TMTC2: variants seen among roughly 807,000 people sequenced by gnomAD.
TMTC2 encodes protein O-mannosyl-transferase TMTC2.
Under a neutral mutation model 82.4 loss-of-function variants are expected in TMTC2, and 43 were observed. That is an observed-to-expected ratio of 0.52 (90% confidence interval 0.41 to 0.67). TMTC2 has a LOEUF of 0.67. Among genes scored for constraint, TMTC2 ranks in the 30% least tolerant of loss-of-function variants. TMTC2 has a pLI of 0.00. For synonymous variants in TMTC2, 408 were observed against 381.9 expected, an observed-to-expected ratio of 1.07 and a Z score of -0.80; for missense variants, 919 against 1,012.4, an observed-to-expected ratio of 0.91 and a Z score of 1.25.
chr12:82,701,461 A>C (rs141649320), intron 1 of TMTC2, among the ~76,000 whole-genome samples: 218 of 152,190 alleles, frequency 1.4e-3, no homozygotes, highest in Non-Finnish European at 2.5e-3. Context: ...ACTTATGAAT[A>C]TTAATCTTGG....
chr12:83,028,956 G>A (rs1354043767), intron 8 of TMTC2, among the ~76,000 whole-genome samples: 3 of 152,184 alleles, frequency 2.0e-5, no homozygotes, highest in Non-Finnish European at 4.4e-5. Context: ...GATTTAACGA[G>A]GAGTTACTGA....
At chr12:83,112,472 A>T (rs968689007) in intron 11 of TMTC2, among the ~76,000 whole-genome samples, 1 of 152,228 alleles carries the variant, frequency 6.6e-6, no homozygotes, top group African/African-American at 2.4e-5. Flanking sequence ...GGACTGAAGT[A>T]AATAAAAGTG....
intron 3 of TMTC2, among the ~76,000 whole-genome samples, chr12:82,904,324 T>C (rs904002699): frequency 6.6e-6 from 1 of 152,216 alleles, no homozygotes; most frequent in Non-Finnish European, 1.5e-5. Context: ...GAATATGATT[T>C]TAAGCCTCAT....
intron 2 of TMTC2, among the ~76,000 whole-genome samples, chr12:82,890,687 T>G (rs1469465908): frequency 6.6e-6 from 1 of 152,166 alleles, no homozygotes; most frequent in Non-Finnish European, 1.5e-5. Flanking sequence ...GACCTTTAAG[T>G]TTGAAAACTA....
In TMTC2 at chr12:83,134,229, G is replaced by A. The variant is rs1041895307; in HGVS notation, c.*1840G>A. 3.3e-5 allele frequency: 5 copies of A among 151,896 alleles called. No individual in the cohort carries two copies. The highest frequency in any genetic ancestry group is 6.6e-5 in the Admixed American group (1 of 15,202). The allele number at this position is 151,896 out of a possible 1,614,324, so 9.4% of individuals were successfully genotyped here. A position where few individuals can be genotyped will look rare whatever the true frequency, so the allele number is the denominator to read the frequency against. ...CAGAATGATATTTAACAACAAACCCGTGGTCAAACCAAAATAGTGGGTTGA... is the reference window on the plus strand; with the variant it reads ...CAGAATGATATTTAACAACAAACCCATGGTCAAACCAAAATAGTGGGTTGA... On this transcript the variant is annotated 3_prime_UTR_variant, in exon 12 of 12. Coordinates refer to ENST00000321196, the MANE Select transcript of TMTC2 (RefSeq NM_152588.3).
chr12:82,735,969 T>TCACACACACACACA (rs148485109), intron 1 of TMTC2, among the ~76,000 whole-genome samples: 9 of 145,960 alleles, frequency 6.2e-5, no homozygotes, highest in Middle Eastern at 3.4e-3. Context: ...CGAGACTCCG[T>TCACACACACACACA]CACACACACA....
chr12:83,087,130 G>A (rs1381396411), intron 11 of TMTC2, among the ~76,000 whole-genome samples: 1 of 152,164 alleles, frequency 6.6e-6, no homozygotes, highest in Non-Finnish European at 1.5e-5. Context: ...TATCATATCA[G>A]CAGTGTTTAC....
intron 7 of TMTC2, among the ~76,000 whole-genome samples, chr12:82,967,674 G>GA (rs1384512328): frequency 1.3e-5 from 2 of 152,014 alleles, no homozygotes; most frequent in Non-Finnish European, 2.9e-5. Flanking sequence ...ATGACACTTG[G>GA]AAAAAAATCC....
chr12:82,813,935 C>A (rs755369062), intron 1 of TMTC2, among the ~76,000 whole-genome samples: 9 of 152,026 alleles, frequency 5.9e-5, no homozygotes, highest in Admixed American at 5.2e-4. Context: ...GTTTATGATA[C>A]CCTCAGAGGG....
At position 82,812,056 on chromosome 12, in the gene TMTC2, G is replaced by A. The variant is rs191438380; in HGVS notation, c.84-44954G>A. On this transcript the variant is annotated intron_variant, in intron 1 of 11. Transcript: ENST00000321196. ...TGGTCTCGAACTCCTGACCTCAGGT[G>A]ATCCACCTGCCTCGGCCTCCCAAGG... 2.6e-5 allele frequency among the ~76,000 whole-genome samples: 4 copies of A among 152,096 alleles called. No individual in the cohort carries two copies. The East Asian group carries it at 7.7e-4, about 29-fold the overall frequency.
intron 1 of TMTC2, among the ~76,000 whole-genome samples, chr12:82,697,198 A>C (rs1872848351): frequency 6.6e-6 from 1 of 151,586 alleles, no homozygotes. Context: ...CAAAAAATTA[A>C]CTGGGCATGG....
At chr12:82,877,686 G>A (rs1872648255) in intron 2 of TMTC2, among the ~76,000 whole-genome samples, 1 of 151,954 alleles carries the variant, frequency 6.6e-6, no homozygotes, top group Admixed American at 6.6e-5. Flanking sequence ...AGTGACTTAA[G>A]GATAAGGAAC....
intron 1 of TMTC2, among the ~76,000 whole-genome samples, chr12:82,734,465 C>T (rs1874986246): frequency 6.6e-6 from 1 of 152,198 alleles, no homozygotes; most frequent in African/African-American, 2.4e-5. Context: ...AACCCTCCCT[C>T]CACCTTCAAA....
chr12:82,746,063 G>T lies in TMTC2; in HGVS notation c.83+58394G>T, dbSNP rs1359319409. On this transcript the variant is annotated intron_variant, in intron 1 of 11. Coordinates refer to ENST00000321196, the MANE Select transcript of TMTC2 (RefSeq NM_152588.3). ...GCATTGTTTGCCTTATTGTGAGAGTGAAAGCATTATGGAATACATTTAAGA... is the reference window on the plus strand; with the variant it reads ...GCATTGTTTGCCTTATTGTGAGAGTTAAAGCATTATGGAATACATTTAAGA... Among the ~76,000 whole-genome samples the T allele has an allele frequency of 3.3e-5, 5 of 152,298 alleles. No individual in the cohort carries two copies. In the Middle Eastern group the frequency reaches 0.014, roughly 417 times the overall value.
intron 4 of TMTC2, among the ~76,000 whole-genome samples, chr12:82,954,668 C>T (rs1877522167): frequency 6.6e-6 from 1 of 152,172 alleles, no homozygotes; most frequent in South Asian, 2.1e-4. Context: ...ACTTTCATCT[C>T]CTAATGTGCT....
chr12:82,824,369 CTAA>C (rs1869288695), intron 1 of TMTC2, among the ~76,000 whole-genome samples: 1 of 152,172 alleles, frequency 6.6e-6, no homozygotes, highest in East Asian at 1.9e-4. Flanking sequence ...CCTTGATATG[CTAA>C]TAAAAATTTA....
intron 1 of TMTC2, among the ~76,000 whole-genome samples, chr12:82,855,431 G>A (rs917498737): frequency 3.3e-5 from 5 of 152,182 alleles, no homozygotes; most frequent in African/African-American, 7.2e-5. Context: ...AACTGGTGGA[G>A]GGCCTAGAGT....
At chr12:82,738,850 A>T (rs1391546200) in intron 1 of TMTC2, among the ~76,000 whole-genome samples, 2 of 152,146 alleles carry the variant, frequency 1.3e-5, no homozygotes, top group Admixed American at 1.3e-4. Context: ...TTTCTAGTTA[A>T]TGAAAAATGA....
At chr12:82,779,982 C>T (rs1165506438) in intron 1 of TMTC2, among the ~76,000 whole-genome samples, 1 of 152,070 alleles carries the variant, frequency 6.6e-6, no homozygotes, top group African/African-American at 2.4e-5. Flanking sequence ...ACTGCTACTT[C>T]AAGAGTAGGG....
Sources: allele counts gnomAD v4.1 joint callset (sites outside exome capture counted in the v4.1 genomes callset), GRCh38; gene constraint gnomAD v4.1.1; transcripts MANE v1.5; gene names NCBI Gene and HGNC (gene_info 2026-07-23, HGNC 2026-07-21).